Variants in EYA2 observed in about 807,000 individuals in gnomAD.
EYA2 encodes EYA transcriptional coactivator and phosphatase 2.
In EYA2, 31 loss-of-function variants were observed where a neutral mutation model predicts 69.2. That is an observed-to-expected ratio of 0.45 (90% confidence interval 0.34 to 0.60). EYA2 has a LOEUF of 0.60. EYA2 is among the 20% of genes least tolerant of loss of function. EYA2 has a pLI of 0.02. For missense variants in EYA2, 622 were observed against 701.2 expected (o/e 0.89, Z 1.28); for synonymous variants, 257 against 279.4 (o/e 0.92, Z 0.80).
intron 1 of EYA2, among the ~76,000 whole-genome samples, chr20:46,908,870 CTTTTTTTTTTTTTTT>C (rs56834738): frequency 1.7e-3 from 80 of 47,582 alleles, no homozygotes; most frequent in African/African-American, 6.1e-3. Flanking sequence ...CTCTCCCGCA[CTTTTTTTTTTTTTTT>C]TTTTTTTTTT....
rs1359224628 is a variant in EYA2 at position 47,072,350 on chromosome 20, A to G, written c.483+98A>G. 5.1e-6 allele frequency: 6 copies of G among 1,170,634 alleles called. No individual in the cohort carries two copies. The East Asian group carries it at 7.7e-5, about 15-fold the overall frequency. 72.5% of individuals were successfully genotyped at this position (1,170,634 alleles called of 1,614,324 possible). A position where few individuals can be genotyped will look rare whatever the true frequency, so the allele number is the denominator to read the frequency against. The stretch of plus-strand genomic sequence containing the variant: ...AGAGCCCACGACACACACAATCCCC[A>G]TTGGGAACCTGCCTCTTAGTCCCTG... On this transcript the variant is annotated intron_variant, in intron 6 of 15. Coordinates refer to ENST00000327619, the MANE Select transcript of EYA2 (RefSeq NM_005244.5).
At chr20:47,065,199 C>A (rs1353654129) in intron 5 of EYA2, among the ~76,000 whole-genome samples, 1 of 152,182 alleles carries the variant, frequency 6.6e-6, no homozygotes, top group Non-Finnish European at 1.5e-5. Flanking sequence ...AGCTACAATT[C>A]AAGATGAGAT....
intron 12 of EYA2, among the ~76,000 whole-genome samples, chr20:47,175,156 C>T (rs1228518919): frequency 6.6e-6 from 1 of 152,246 alleles, no homozygotes; most frequent in Non-Finnish European, 1.5e-5. Context: ...CAGCGGCATG[C>T]CGGTCTCCTT....
chr20:47,159,171 A>G (rs2034015616), intron 10 of EYA2, among the ~76,000 whole-genome samples: 1 of 152,016 alleles, frequency 6.6e-6, no homozygotes, highest in Non-Finnish European at 1.5e-5. Flanking sequence ...GGGAATAGTA[A>G]CTTCGGAGTG....
intron 7 of EYA2, among the ~76,000 whole-genome samples, chr20:47,084,075 G>A (rs34122628): frequency 0.2 from 30,089 of 152,016 alleles, 3,723 homozygotes; most frequent in South Asian, 0.32. Context: ...GTGAAACCCT[G>A]TGTCTACTAA....
At chr20:47,046,541 C>T (rs1020850652) in intron 5 of EYA2, among the ~76,000 whole-genome samples, 1 of 152,202 alleles carries the variant, frequency 6.6e-6, no homozygotes, top group Non-Finnish European at 1.5e-5. Context: ...CCTAAAACAA[C>T]AGCCCTCCCT....
chr20:47,029,291 G>A (rs1454966436), intron 5 of EYA2, among the ~76,000 whole-genome samples: 1 of 152,250 alleles, frequency 6.6e-6, no homozygotes, highest in Non-Finnish European at 1.5e-5. Flanking sequence ...AAGAGTTGAA[G>A]TTGAACAAGG....
At chr20:46,930,352 CT>C (rs1209183889) in intron 1 of EYA2, among the ~76,000 whole-genome samples, 1 of 152,154 alleles carries the variant, frequency 6.6e-6, no homozygotes, top group Non-Finnish European at 1.5e-5. Flanking sequence ...ATATTATTTC[CT>C]TTAATTAATC....
intron 5 of EYA2, among the ~76,000 whole-genome samples, chr20:47,019,215 G>T (rs970893170): frequency 6.6e-6 from 1 of 152,042 alleles, no homozygotes; most frequent in Non-Finnish European, 1.5e-5. Flanking sequence ...ACCAGCCAAC[G>T]TCTCCAGCTC....
chr20:46,902,985 G>T (rs987384928), intron 1 of EYA2, among the ~76,000 whole-genome samples: 1 of 152,196 alleles, frequency 6.6e-6, no homozygotes, highest in East Asian at 1.9e-4. Flanking sequence ...GGGACATTTC[G>T]TATACCATTT....
chr20:46,921,850 T>A (rs4809604), intron 1 of EYA2, among the ~76,000 whole-genome samples: 1 of 152,016 alleles, frequency 6.6e-6, no homozygotes, highest in African/African-American at 2.4e-5. Flanking sequence ...ATTATTTCTT[T>A]TTTACTTAAA....
intron 5 of EYA2, among the ~76,000 whole-genome samples, chr20:47,050,919 A>G (rs954702143): frequency 6.6e-6 from 1 of 152,264 alleles, no homozygotes; most frequent in Non-Finnish European, 1.5e-5. Context: ...GCTGGGACAG[A>G]CAGATACAGG....
intron 2 of EYA2, among the ~76,000 whole-genome samples, chr20:46,992,164 C>T (rs1281865239): frequency 6.6e-6 from 1 of 152,158 alleles, no homozygotes. Context: ...ATTCATTCTC[C>T]TCCTCCCTCC....
At chr20:46,959,676 T>C (rs1979351787) in intron 1 of EYA2, among the ~76,000 whole-genome samples, 1 of 152,164 alleles carries the variant, frequency 6.6e-6, no homozygotes, top group Non-Finnish European at 1.5e-5. Flanking sequence ...GCACGTACTT[T>C]CCTTCAATTG....
At chr20:46,948,109 C>CAAAA (rs72010207) in intron 1 of EYA2, among the ~76,000 whole-genome samples, 2 of 134,000 alleles carry the variant, frequency 1.5e-5, no homozygotes, top group African/African-American at 2.8e-5. Flanking sequence ...GACCTTGTCT[C>CAAAA]AAAAAAAAAA....
At chr20:46,975,515 A>G in intron 1 of EYA2, among the ~76,000 whole-genome samples, 1 of 152,126 alleles carries the variant, frequency 6.6e-6, no homozygotes, top group Non-Finnish European at 1.5e-5. Flanking sequence ...TAAAAAATAA[A>G]ATACATAAAA....
At position 46,968,167 on chromosome 20, in the gene EYA2, C is replaced by T. The variant is rs777839152; in HGVS notation, c.-10-21834C>T. On this transcript the variant is annotated intron_variant, in intron 1 of 15. Coordinates refer to ENST00000327619, the MANE Select transcript of EYA2 (RefSeq NM_005244.5). ...TCTTAGAAATGTGGCTTCTGATGTC[C>T]TGTGACCCTAGGGGGAGGACAAGAG... Among the ~76,000 whole-genome samples the T allele has an allele frequency of 2.4e-4, 37 of 152,344 alleles. 1 individual carries two copies. Among genetic ancestry groups the T allele is most frequent in the Middle Eastern group, 6.8e-3 (2 of 294 alleles).
chr20:47,001,283 C>T (rs1013379668), intron 2 of EYA2, 145 bp from the exon 3 acceptor site: 6 of 718,640 alleles, frequency 8.3e-6, no homozygotes, highest in Admixed American at 6.0e-5. Context: ...AGATGTGGCG[C>T]CTCAGATAAG....
intron 1 of EYA2, among the ~76,000 whole-genome samples, chr20:46,988,932 C>A (rs528984060): frequency 3.9e-5 from 6 of 152,200 alleles, no homozygotes; most frequent in Non-Finnish European, 7.4e-5. Context: ...TCTTGAACTC[C>A]TGGGCTCAAG....
Sources: allele counts gnomAD v4.1 joint callset (sites outside exome capture counted in the v4.1 genomes callset), GRCh38; gene constraint gnomAD v4.1.1; transcripts MANE v1.5; gene names NCBI Gene and HGNC (gene_info 2026-07-23, HGNC 2026-07-21).